The following CEP63 variants were observed in gnomAD, a reference collection of about 807,000 sequenced individuals.
CEP63 encodes centrosomal protein of 63 kDa.
Under a neutral mutation model 89.1 loss-of-function variants are expected in CEP63, and 84 were observed. That is an observed-to-expected ratio of 0.94 (90% confidence interval 0.79 to 1.13). CEP63 has a LOEUF of 1.13. Ranked by LOEUF, CEP63 falls within the 50% of genes most tolerant of loss-of-function variation. The pLI is 0.00. For synonymous variants in CEP63, 267 were observed against 272.5 expected, an observed-to-expected ratio of 0.98 and a Z score of 0.20; for missense variants, 838 against 813.3, an observed-to-expected ratio of 1.03 and a Z score of -0.37.
At chr3:134,659,682 G>C in the CEP63 span, among the ~76,000 whole-genome samples, 1 of 152,224 alleles carries the variant, frequency 6.6e-6, no homozygotes, top group Admixed American at 6.5e-5. Context: ...GACCTCTCCT[G>C]GTGGTTCAAG....
At chr3:134,701,705 T>C in the CEP63 span, among the ~76,000 whole-genome samples, 1 of 151,770 alleles carries the variant, frequency 6.6e-6, no homozygotes, top group Non-Finnish European at 1.5e-5. Context: ...CTATTCAACA[T>C]AGTATTGGAA....
At chr3:134,552,912 CT>C (rs1342612974) in intron 12 of CEP63, 1 of 151,940 alleles carries the variant, frequency 6.6e-6, no homozygotes, top group African/African-American at 2.4e-5. Context: ...CTAGAGTAAT[CT>C]AGTAGCAAGG....
chr3:134,716,508 T>G, the CEP63 span, among the ~76,000 whole-genome samples: 2 of 152,208 alleles, frequency 1.3e-5, no homozygotes, highest in African/African-American at 4.8e-5. Context: ...GCGGCTCATG[T>G]GCCCTTCCTG....
At chr3:134,781,699 G>C in the CEP63 span, among the ~76,000 whole-genome samples, 1 of 152,216 alleles carries the variant, frequency 6.6e-6, no homozygotes, top group Non-Finnish European at 1.5e-5. Flanking sequence ...ATTCTTATTT[G>C]TTGCTGATGT....
At chr3:134,764,556 T>A in the CEP63 span, among the ~76,000 whole-genome samples, 3 of 152,310 alleles carry the variant, frequency 2.0e-5, no homozygotes, top group African/African-American at 7.2e-5. Flanking sequence ...TTGATCACAA[T>A]GGGGCAGTAC....
the CEP63 span, among the ~76,000 whole-genome samples, chr3:134,635,325 C>G: frequency 1.3e-4 from 20 of 151,698 alleles, no homozygotes; most frequent in Non-Finnish European, 2.2e-4. Flanking sequence ...GGTGAAACCC[C>G]ATCTCTACTA....
chr3:134,534,816 A>T (rs1950471689), intron 5 of CEP63, among the ~76,000 whole-genome samples: 1 of 152,116 alleles, frequency 6.6e-6, no homozygotes, highest in Non-Finnish European at 1.5e-5. Flanking sequence ...TTCCACAATG[A>T]GTATTTCAGA....
Position 134,558,161 on chromosome 3 carries a change from C to G in CEP63, c.1487C>G (p.Ala496Gly). 4 of 1,613,308 alleles carry G rather than the reference C, an allele frequency of 2.5e-6. No homozygotes were observed. Among genetic ancestry groups the G allele is most frequent in the Admixed American group, 1.7e-5 (1 of 60,010 alleles). Reference sequence around the variant, plus strand: ...TATTAGGCAAAAGAGATTTCACTAGCAGACCTCCAGGAGAATTATATTGAG... The same window carrying G: ...TATTAGGCAAAAGAGATTTCACTAGGAGACCTCCAGGAGAATTATATTGAG... ...GLHEAKEISL[A>G]DLQENYIEAL... Residue 496 changes from alanine to glycine, a missense_variant, in exon 13 of 15, where the codon GCA (alanine) becomes GGA (glycine). Physicochemically the swap from Ala to Gly is moderately conservative, Grantham distance 60 (BLOSUM62 0). Coordinates refer to ENST00000675561, the MANE Select transcript of CEP63 (RefSeq NM_001353108.3).
intron 5 of CEP63, chr3:134,535,500 C>T (rs61428186): frequency 0.38 from 54,249 of 142,992 alleles, 11,459 homozygotes; most frequent in African/African-American, 0.5. Context: ...CTTTCCTTTC[C>T]TTTTTTTTTT....
Position 134,547,381 on chromosome 3 carries a change from C to T in CEP63, c.976C>T (p.Gln326Ter), listed in dbSNP as rs1420831131. Residue 326 changes from glutamine (Q) to a stop codon, truncating the protein, a stop_gained, in exon 9 of 15, where the codon CAG becomes TAG. Coordinates refer to ENST00000675561, the MANE Select transcript of CEP63 (RefSeq NM_001353108.3). LOFTEE classifies it high-confidence loss of function. ...AGAAAAGAAGTACACCTCTCAAGGGCAGGGGGACTTAGACAGTGTGCTCTC... is the reference window on the plus strand; with the variant it reads ...AGAAAAGAAGTACACCTCTCAAGGGTAGGGGGACTTAGACAGTGTGCTCTC... ...LAEKKYTSQG[Q>*]GDLDSVLSQL... is the part of the protein sequence containing the mutation. 6.2e-7 allele frequency: 1 copy of T among 1,613,542 alleles called. No individual in the cohort carries two copies. Among genetic ancestry groups the T allele is most frequent in the Admixed American group, 1.7e-5 (1 of 60,008 alleles).
the CEP63 span, among the ~76,000 whole-genome samples, chr3:134,755,403 AG>A: frequency 6.6e-6 from 1 of 152,280 alleles, no homozygotes; most frequent in Non-Finnish European, 1.5e-5. Flanking sequence ...GAGCATCTCC[AG>A]GGGGCTCAGC....
intron 6 of CEP63, among the ~76,000 whole-genome samples, chr3:134,541,560 G>C (rs1180328622): frequency 7.1e-6 from 1 of 140,882 alleles, no homozygotes; most frequent in Non-Finnish European, 1.5e-5. Context: ...TTGTTGCCCA[G>C]GCTGGAGTGC....
At chr3:134,515,542 C>T (rs1356665251) in intron 3 of CEP63, among the ~76,000 whole-genome samples, 7 of 151,964 alleles carry the variant, frequency 4.6e-5, no homozygotes, top group African/African-American at 7.3e-5. Context: ...GAGCAGAAGC[C>T]GAAAGCATTA....
chr3:134,510,561 C>T, intron 3 of CEP63: 1 of 536,956 alleles, frequency 1.9e-6, no homozygotes, highest in East Asian at 4.2e-5. Context: ...GACCTTGTAC[C>T]TGTGAACACA....
In CEP63 at chr3:134,547,384, G is replaced by A; in HGVS notation, c.979G>A (p.Gly327Arg). 1 of 1,613,680 alleles carries A rather than the reference G, an allele frequency of 6.2e-7. No homozygotes were observed. The highest frequency in any genetic ancestry group is 8.5e-7 in the Non-Finnish European group (1 of 1,179,700). Residue 327 changes from glycine (G) to arginine (R), a missense_variant, in exon 9 of 15, where the codon GGG becomes AGG. Gly to Arg is a moderately radical substitution (Grantham distance 125, BLOSUM62 -2). Coordinates refer to ENST00000675561, the MANE Select transcript of CEP63 (RefSeq NM_001353108.3). ...AAAGAAGTACACCTCTCAAGGGCAG[G>A]GGGACTTAGACAGTGTGCTCTCCCA... ...AEKKYTSQGQ[G>R]DLDSVLSQLN... is the part of the protein sequence containing the mutation.
At chr3:134,626,269 C>G in the CEP63 span, among the ~76,000 whole-genome samples, 1 of 152,178 alleles carries the variant, frequency 6.6e-6, no homozygotes, top group Non-Finnish European at 1.5e-5. Flanking sequence ...CTGGAGAGAC[C>G]CCAGGGTATG....
the CEP63 span, among the ~76,000 whole-genome samples, chr3:134,761,492 G>A: frequency 6.6e-6 from 1 of 152,134 alleles, no homozygotes; most frequent in South Asian, 2.1e-4. Context: ...GGTGTCCCCT[G>A]GCATCACCTG....
the CEP63 span, among the ~76,000 whole-genome samples, chr3:134,727,509 G>A: frequency 6.6e-6 from 1 of 152,148 alleles, no homozygotes; most frequent in African/African-American, 2.4e-5. Flanking sequence ...AATAACCACG[G>A]AGTACGTGCA....
At chr3:134,613,469 G>T in the CEP63 span, among the ~76,000 whole-genome samples, 94,827 of 151,366 alleles carry the variant, frequency 0.63, 30,126 homozygotes, top group East Asian at 0.87. Context: ...TCTGAGTGGG[G>T]GTGATGGCCC....
Sources: gnomAD v4.1 joint callset for allele counts (sites outside exome capture counted in the v4.1 genomes callset) on GRCh38, gnomAD v4.1.1 for gene constraint, MANE v1.5 for transcripts, NCBI Gene and HGNC (gene_info 2026-07-23, HGNC 2026-07-21) for gene names.